KANK1: variants seen among roughly 807,000 people sequenced by gnomAD.
KANK1 encodes the protein KN motif and ankyrin repeat domain-containing protein 1.
KANK1 carries 109 observed loss-of-function variants against 106.2 expected under a neutral mutation model. The observed-to-expected ratio is 1.03, with a 90% CI of 0.88 to 1.20. The LOEUF is 1.20. Ranked by LOEUF, KANK1 falls within the 50% of genes most tolerant of loss-of-function variation. The probability of loss-of-function intolerance (pLI) is 0.00; values close to 1 mark genes in which losing one functional copy is unlikely to be tolerated. For synonymous variants in KANK1, 873 were observed against 652.2 expected (o/e 1.34, Z -5.16); for missense variants, 2,399 against 1,710.7 (o/e 1.40, Z -7.10).
chr9:521,202 C>T (rs2059533020), intron 1 of KANK1, among the ~76,000 whole-genome samples: 1 of 151,698 alleles, frequency 6.6e-6, no homozygotes, highest in Admixed American at 6.6e-5. Flanking sequence ...ACGTTTGTGC[C>T]TCAATTGGTT....
intron 1 of KANK1, among the ~76,000 whole-genome samples, chr9:563,186 C>G (rs527531295): frequency 0.01 from 391 of 38,050 alleles, 2 homozygotes; most frequent in Non-Finnish European, 0.015. Context: ...AATATTTTGT[C>G]AGACTTTTTT....
intron 1 of KANK1, among the ~76,000 whole-genome samples, chr9:671,007 A>AT (rs79609906): frequency 0.09 from 11,557 of 128,046 alleles, 986 homozygotes; most frequent in East Asian, 0.35. Flanking sequence ...GAACTGACCG[A>AT]TTCTCTTTCA....
chr9:514,270 T>C (rs113585591), intron 1 of KANK1, among the ~76,000 whole-genome samples: 3 of 87,370 alleles, frequency 3.4e-5, no homozygotes, highest in African/African-American at 2.5e-4. Context: ...GTCCCTCCCT[T>C]CCTTCCTTCC....
intron 3 of KANK1, among the ~76,000 whole-genome samples, chr9:489,992 C>A (rs2058352081): frequency 6.6e-6 from 1 of 152,126 alleles, no homozygotes; most frequent in African/African-American, 2.4e-5. Flanking sequence ...TTATTTCATT[C>A]ATTATGAAAT....
At chr9:673,103 G>A (rs762116153) in intron 1 of KANK1, among the ~76,000 whole-genome samples, 2 of 151,698 alleles carry the variant, frequency 1.3e-5, no homozygotes, top group Non-Finnish European at 2.9e-5. Context: ...GAGGCCGCCT[G>A]TCAGCATGAA....
At chr9:549,078 T>G (rs576585694) in intron 1 of KANK1, 4 of 152,156 alleles carry the variant, frequency 2.6e-5, no homozygotes, top group Non-Finnish European at 5.9e-5. Context: ...AAAGTTTCTT[T>G]TCTTTTTTTT....
chr9:718,720 C>T (rs1828444465), intron 3 of KANK1, among the ~76,000 whole-genome samples: 1 of 152,104 alleles, frequency 6.6e-6, no homozygotes, highest in African/African-American at 2.4e-5. Context: ...TTATTCTGTA[C>T]AAGTGTGAGT....
At chr9:679,999 G>A (rs1817214657) in intron 2 of KANK1, among the ~76,000 whole-genome samples, 1 of 152,170 alleles carries the variant, frequency 6.6e-6, no homozygotes, top group Non-Finnish European at 1.5e-5. Context: ...GAACCTAGAT[G>A]AAGATGAGAT....
chr9:616,264 T>C (rs1469557130), intron 1 of KANK1, among the ~76,000 whole-genome samples: 1 of 152,198 alleles, frequency 6.6e-6, no homozygotes, highest in Admixed American at 6.5e-5. Flanking sequence ...GTGAAGGCTT[T>C]TCAGCAGTCA....
chr9:538,960 AG>A (rs1261510810), intron 1 of KANK1, among the ~76,000 whole-genome samples: 1 of 152,160 alleles, frequency 6.6e-6, no homozygotes, highest in Non-Finnish European at 1.5e-5. Flanking sequence ...AGCTCACTGC[AG>A]CCTCCACCTC....
chr9:641,046 A>G (rs1178656702), intron 1 of KANK1, among the ~76,000 whole-genome samples: 1 of 152,130 alleles, frequency 6.6e-6, no homozygotes, highest in Non-Finnish European at 1.5e-5. Flanking sequence ...AGAGAGCTAA[A>G]TTTTGATGTC....
chr9:507,309 C>G (rs775319840), intron 1 of KANK1, among the ~76,000 whole-genome samples: 3 of 151,906 alleles, frequency 2.0e-5, no homozygotes, highest in Non-Finnish European at 2.9e-5. Context: ...GAACTATGAT[C>G]ATGCCACTGC....
chr9:644,079 A>T (rs9407329), intron 1 of KANK1, among the ~76,000 whole-genome samples: 31,416 of 150,556 alleles, frequency 0.21, 3,928 homozygotes, highest in East Asian at 0.34. Flanking sequence ...ATTTGTTCTT[A>T]CCAATGCAGT....
chr9:518,026 C>G (rs2059368848), intron 1 of KANK1, among the ~76,000 whole-genome samples: 1 of 151,726 alleles, frequency 6.6e-6, no homozygotes, highest in African/African-American at 2.4e-5. Context: ...GCATGAGCCA[C>G]CTTGCCCGGC....
chr9:559,324 A>G (rs1465626327), intron 1 of KANK1, among the ~76,000 whole-genome samples: 1 of 152,156 alleles, frequency 6.6e-6, no homozygotes, highest in Admixed American at 6.5e-5. Context: ...TACAGTCAAC[A>G]CTGTCATTCA....
intron 11 of KANK1, 156 bp downstream of exon 11, chr9:744,745 C>A: frequency 6.6e-7 from 1 of 1,514,984 alleles, no homozygotes; most frequent in South Asian, 1.3e-5. Flanking sequence ...CCGCCTCCAC[C>A]CCGCAAAAAG....
chr9:495,822 C>T (rs2058451560), intron 3 of KANK1, among the ~76,000 whole-genome samples: 2 of 152,290 alleles, frequency 1.3e-5, no homozygotes, highest in South Asian at 4.1e-4. Flanking sequence ...GCTCAAATGA[C>T]AGCTCAGTTG....
rs1826122719 is a variant in KANK1 at position 711,621 on chromosome 9, T to C, written c.855T>C (p.Pro285=). ...KELEEQVRTI[P]VLQVKISVLQ... is the part of the protein sequence containing the mutation. ...TGGAGGAGCAGGTGCGAACCATCCC[T>C]GTGCTCCAGGTAAAGATCTCTGTCT... The change falls in exon 3 of 12, where the codon CCT becomes CCC. Residue 285 remains proline (P), a synonymous_variant. Coordinates refer to ENST00000382297, the MANE Select transcript of KANK1 (RefSeq NM_015158.5). 1 of 1,614,080 alleles carries C rather than the reference T, an allele frequency of 6.2e-7. No homozygotes were observed. The highest frequency in any genetic ancestry group is 8.5e-7 in the Non-Finnish European group (1 of 1,180,014).
intron 7 of KANK1, among the ~76,000 whole-genome samples, chr9:736,720 C>T (rs545876063): frequency 6.6e-6 from 1 of 151,934 alleles, no homozygotes; most frequent in East Asian, 1.9e-4. Context: ...AATTCCTAGT[C>T]AAGGGGAAAC....
Sources: allele counts gnomAD v4.1 joint callset (sites outside exome capture counted in the v4.1 genomes callset), GRCh38; gene constraint gnomAD v4.1.1; transcripts MANE v1.5; gene names NCBI Gene and HGNC (gene_info 2026-07-23, HGNC 2026-07-21).